The following PRKG2 variants were observed in gnomAD, a reference collection of about 807,000 sequenced individuals.
The protein encoded by PRKG2 is cGMP-dependent protein kinase 2.
Under a neutral mutation model 97.2 loss-of-function variants are expected in PRKG2, and 33 were observed. The ratio of observed to expected loss-of-function variants is 0.34; its 90% confidence interval spans 0.26 to 0.45. PRKG2 has a LOEUF of 0.45. PRKG2 is among the 20% of genes least tolerant of loss of function. The pLI is 1.00. For synonymous variants in PRKG2, 330 were observed against 321.8 expected, an observed-to-expected ratio of 1.03 and a Z score of -0.27; for missense variants, 638 against 900.0, an observed-to-expected ratio of 0.71 and a Z score of 3.73.
intron 18 of PRKG2, among the ~76,000 whole-genome samples, chr4:81,090,822 C>A (rs771994897): frequency 2.0e-5 from 3 of 152,098 alleles, no homozygotes; most frequent in African/African-American, 4.8e-5. Context: ...GCATAACAAT[C>A]ATTTTAAAAA....
intron 1 of PRKG2, among the ~76,000 whole-genome samples, chr4:81,214,379 AG>A: frequency 6.6e-6 from 1 of 151,946 alleles, no homozygotes; most frequent in African/African-American, 2.4e-5. Flanking sequence ...TCATCCCCAA[AG>A]TGGCTGGTTT....
At chr4:81,112,684 T>C (rs1744103304) in intron 14 of PRKG2, among the ~76,000 whole-genome samples, 1 of 152,188 alleles carries the variant, frequency 6.6e-6, no homozygotes, top group South Asian at 2.1e-4. Flanking sequence ...TTTCTTTATC[T>C]CCTTTGATCA....
Position 81,140,618 on chromosome 4 carries a change from T to G in PRKG2, c.1459A>C (p.Lys487Gln). The G allele has an allele frequency of 6.2e-7, 1 of 1,612,658 alleles. No homozygotes were observed. The highest frequency in any genetic ancestry group is 8.5e-7 in the Non-Finnish European group (1 of 1,178,836). ...VAFAMKCIRK[K>Q]HIVDTKQQEH... is the part of the protein sequence containing the mutation. Reference sequence around the variant, plus strand: ...TGCTGCTTGGTGTCAACTATGTGCTTCTTCCTTATACACTTCATAGCAAAA... The same window carrying G: ...TGCTGCTTGGTGTCAACTATGTGCTGCTTCCTTATACACTTCATAGCAAAA... The change falls in exon 12 of 19, where the codon AAG becomes CAG. Residue 487 changes from lysine (K) to glutamine (Q), a missense_variant. Transcript: ENST00000264399.
chr4:81,137,031 G>C (rs1746772861), intron 13 of PRKG2, among the ~76,000 whole-genome samples: 1 of 152,030 alleles, frequency 6.6e-6, no homozygotes, highest in Admixed American at 6.6e-5. Context: ...GCTTTTCAGT[G>C]AGGGCTTACC....
Position 81,104,107 on chromosome 4 carries a change from T to C in PRKG2, c.2126+263A>G, listed in dbSNP as rs190268260. On this transcript the variant is annotated intron_variant, in intron 17 of 18. Coordinates refer to ENST00000264399, the MANE Select transcript of PRKG2 (RefSeq NM_006259.3). Reference sequence around the variant, plus strand: ...AGACAGAAGTGGATAAAAAGTTAATTTGCTATGACTTGAAGATGTGATTTT... The same window carrying C: ...AGACAGAAGTGGATAAAAAGTTAATCTGCTATGACTTGAAGATGTGATTTT... Among the ~76,000 whole-genome samples, 306 of 152,202 alleles carry C rather than the reference T, an allele frequency of 2.0e-3. 1 individual carries two copies. Among genetic ancestry groups the C allele is most frequent in the Non-Finnish European group, 2.7e-3 (185 of 67,996 alleles).
intron 2 of PRKG2, among the ~76,000 whole-genome samples, chr4:81,187,162 G>A (rs1751955209): frequency 6.6e-6 from 1 of 152,232 alleles, no homozygotes; most frequent in Admixed American, 6.5e-5. Flanking sequence ...ACCTGGCAGA[G>A]ACACAACAAA....
At chr4:81,164,507 C>T (rs1749823514) in intron 6 of PRKG2, among the ~76,000 whole-genome samples, 2 of 151,960 alleles carry the variant, frequency 1.3e-5, no homozygotes, top group Admixed American at 6.6e-5. Flanking sequence ...AAAGACTAGA[C>T]TTGAAAAAAG....
intron 7 of PRKG2, among the ~76,000 whole-genome samples, chr4:81,152,370 T>C (rs184032985): frequency 6.6e-6 from 1 of 152,264 alleles, no homozygotes; most frequent in African/African-American, 2.4e-5. Flanking sequence ...ACAAAGCAAA[T>C]AATAATGGTC....
intron 14 of PRKG2, among the ~76,000 whole-genome samples, chr4:81,121,893 G>C (rs1745106743): frequency 1.3e-5 from 2 of 152,168 alleles, no homozygotes; most frequent in African/African-American, 2.4e-5. Context: ...CAGGCAGATA[G>C]ATGACAGGCA....
At chr4:81,169,555 A>G in intron 5 of PRKG2, 108 bp downstream of exon 5, 1 of 802,856 alleles carries the variant, frequency 1.2e-6, no homozygotes. Context: ...CATGTGGAAA[A>G]TGCTTAAATG....
Position 81,174,904 on chromosome 4 carries a change from C to T in PRKG2, c.517G>A (p.Asp173Asn). 6.2e-7 allele frequency: 1 copy of T among 1,612,666 alleles called. No individual in the cohort carries two copies. The highest frequency in any genetic ancestry group is 8.5e-7 in the Non-Finnish European group (1 of 1,179,082). Reference protein sequence around the residue: ...LNKNQFLKRLDPQQIKDMVEC... With the variant: ...LNKNQFLKRLNPQQIKDMVEC... Reference sequence around the variant, plus strand: ...ACCATGTCTTTGATCTGCTGAGGATCCAGTCTTTTCAGAAACTGATTTTTA... The same window carrying T: ...ACCATGTCTTTGATCTGCTGAGGATTCAGTCTTTTCAGAAACTGATTTTTA... Residue 173 changes from aspartate to asparagine, a missense_variant, in exon 3 of 19, where the codon GAT becomes AAT. By Grantham distance (23) the Asp-to-Asn change is conservative. Transcript: ENST00000264399.
chr4:81,133,174 A>G (rs978185185), intron 14 of PRKG2, among the ~76,000 whole-genome samples: 24 of 152,088 alleles, frequency 1.6e-4, no homozygotes, highest in Non-Finnish European at 1.8e-4. Flanking sequence ...TGGGCACCCA[A>G]CCTCCACTAA....
intron 1 of PRKG2, among the ~76,000 whole-genome samples, chr4:81,206,868 T>C (rs1054239645): frequency 2.0e-5 from 3 of 152,188 alleles, no homozygotes; most frequent in Admixed American, 1.3e-4. Context: ...TTGCCTACAA[T>C]GGATGGTGCA....
chr4:81,136,791 A>C (rs1196604647), intron 13 of PRKG2, among the ~76,000 whole-genome samples: 1 of 152,212 alleles, frequency 6.6e-6, no homozygotes, highest in Non-Finnish European at 1.5e-5. Context: ...GAAATGTTTT[A>C]AAACTGTATA....
rs147951462 is a variant in PRKG2, at chr4:81,141,446, G to A, written c.1408-777C>T. Reference sequence around the variant, plus strand: ...TTCAAAGGCTCAACAGTCATATCTAGTTAGTGGCTACCCTATTAAATAGCA... The same window carrying A: ...TTCAAAGGCTCAACAGTCATATCTAATTAGTGGCTACCCTATTAAATAGCA... On this transcript the variant is annotated intron_variant, in intron 11 of 18. Coordinates refer to ENST00000264399, the MANE Select transcript of PRKG2 (RefSeq NM_006259.3). Among the ~76,000 whole-genome samples the A allele has an allele frequency of 9.9e-3, 1,504 of 152,266 alleles. 25 individuals carry two copies. The highest frequency in any genetic ancestry group is 0.034 in the African/African-American group (1,409 of 41,530).
At chr4:81,115,878 T>C (rs1273148576) in intron 14 of PRKG2, among the ~76,000 whole-genome samples, 4 of 152,246 alleles carry the variant, frequency 2.6e-5, no homozygotes, top group Non-Finnish European at 4.4e-5. Flanking sequence ...TACACTTTTG[T>C]TAGAGTTAGC....
upstream of PRKG2, among the ~76,000 whole-genome samples, chr4:81,215,836 C>T (rs1304895701): frequency 6.6e-6 from 1 of 151,904 alleles, no homozygotes; most frequent in African/African-American, 2.4e-5. Context: ...GGGAAGGGAG[C>T]TTTCTTGATC....
intron 4 of PRKG2, among the ~76,000 whole-genome samples, chr4:81,170,520 T>C (rs1302505835): frequency 6.6e-6 from 1 of 152,100 alleles, no homozygotes; most frequent in African/African-American, 2.4e-5. Flanking sequence ...CTTGATATTC[T>C]TGTTAGAAAT....
intron 12 of PRKG2, 86 bp downstream of exon 12, chr4:81,140,446 TA>T: frequency 8.3e-7 from 1 of 1,208,718 alleles, no homozygotes; most frequent in Non-Finnish European, 1.1e-6. Flanking sequence ...CCACAAAAAT[TA>T]AAAATAAAAA....
Sources: allele counts gnomAD v4.1 joint callset (sites outside exome capture counted in the v4.1 genomes callset), GRCh38; gene constraint gnomAD v4.1.1; transcripts MANE v1.5; gene names NCBI Gene and HGNC (gene_info 2026-07-23, HGNC 2026-07-21).